Variants in SAR1B observed in about 807,000 individuals in gnomAD.
The protein encoded by SAR1B is small COPII coat GTPase SAR1B.
SAR1B carries 23 observed loss-of-function variants against 26.8 expected under a neutral mutation model. The ratio of observed to expected loss-of-function variants is 0.86; its 90% CI spans 0.62 to 1.22. SAR1B has a LOEUF of 1.22. Among genes scored for constraint, SAR1B ranks in the 50% most tolerant of loss-of-function variants. The probability of loss-of-function intolerance (pLI) is 0.00; values close to 1 mark genes in which losing one functional copy is unlikely to be tolerated. For missense variants in SAR1B, 196 were observed against 232.8 expected, an observed-to-expected ratio of 0.84 and a Z score of 1.03; for synonymous variants, 65 against 80.8, an observed-to-expected ratio of 0.80 and a Z score of 1.05.
At chr5:134,620,646 A>G (rs1367693521) in intron 3 of SAR1B, among the ~76,000 whole-genome samples, 2 of 152,132 alleles carry the variant, frequency 1.3e-5, no homozygotes, top group Admixed American at 6.6e-5. Context: ...TGATCACTTG[A>G]GCTCAGGAGT....
At chr5:134,629,598 G>C (rs1219677063) in intron 1 of SAR1B, among the ~76,000 whole-genome samples, 2 of 152,132 alleles carry the variant, frequency 1.3e-5, no homozygotes, top group Non-Finnish European at 1.5e-5. Flanking sequence ...TCAGGAGGCT[G>C]AGGCAGGAGA....
intron 5 of SAR1B, among the ~76,000 whole-genome samples, 158 bp from the exon 6 acceptor site, chr5:134,608,661 G>A (rs1765168655): frequency 6.6e-6 from 1 of 152,190 alleles, no homozygotes; most frequent in Non-Finnish European, 1.5e-5. Context: ...TGACCTCAAT[G>A]AAACCATAAG....
chr5:134,627,115 G>C (rs563020824), intron 1 of SAR1B, among the ~76,000 whole-genome samples: 1 of 151,862 alleles, frequency 6.6e-6, no homozygotes, highest in East Asian at 1.9e-4. Context: ...GCACTGGCGC[G>C]ATCTCCTCTC....
chr5:134,625,885 A>C (rs1227322789), intron 1 of SAR1B: 3 of 152,184 alleles, frequency 2.0e-5, no homozygotes, highest in Non-Finnish European at 4.4e-5. Context: ...GCCTTGACAG[A>C]AAAAGGATTT....
At chr5:134,617,336 T>C (rs1317753481) in intron 3 of SAR1B, among the ~76,000 whole-genome samples, 1 of 152,214 alleles carries the variant, frequency 6.6e-6, no homozygotes, top group Non-Finnish European at 1.5e-5. Context: ...CTCGGGTAAG[T>C]AACTAGGAGT....
intron 2 of SAR1B, among the ~76,000 whole-genome samples, 195 bp from the exon 3 acceptor site, chr5:134,621,247 A>G (rs1765402466): frequency 1.3e-5 from 2 of 152,174 alleles, no homozygotes; most frequent in African/African-American, 4.8e-5. Context: ...AGGTGGGCGG[A>G]TCACCTGAGG....
In SAR1B at chr5:134,603,091, C is replaced by T. The variant is rs1305766179; in HGVS notation, c.*3859G>A. On this transcript the variant is annotated 3_prime_UTR_variant, in exon 7 of 7. Coordinates refer to ENST00000402673, the MANE Select transcript of SAR1B (RefSeq NM_016103.4). ...GTTTCTTGAAGATTTTTTAATGCTTCAACTTTTTACATATGTTTAAAATGA... is the reference window on the plus strand; with the variant it reads ...GTTTCTTGAAGATTTTTTAATGCTTTAACTTTTTACATATGTTTAAAATGA... 1 of 152,064 alleles carries T rather than the reference C, an allele frequency of 6.6e-6. No individual in the cohort carries two copies. Among genetic ancestry groups the T allele is most frequent in the Admixed American group, 6.6e-5 (1 of 15,264 alleles). The allele number at this position is 152,064 out of a possible 1,614,324, so 9.4% of individuals were successfully genotyped here.
At chr5:134,620,492 G>A (rs182623114) in intron 3 of SAR1B, among the ~76,000 whole-genome samples, 66 of 152,154 alleles carry the variant, frequency 4.3e-4, no homozygotes, top group African/African-American at 1.5e-3. Context: ...TGGGAGCGAG[G>A]TCACCTATAA....
intron 6 of SAR1B, among the ~76,000 whole-genome samples, chr5:134,607,901 C>G (rs1295950915): frequency 2.6e-5 from 4 of 151,972 alleles, no homozygotes; most frequent in Non-Finnish European, 5.9e-5. Context: ...TTTTTCAATG[C>G]TGATGTTTCC....
At chr5:134,608,859 G>A (rs1765170883) in intron 5 of SAR1B, 2 of 371,222 alleles carry the variant, frequency 5.4e-6, no homozygotes, top group South Asian at 2.1e-5. Context: ...GAGAGAATTA[G>A]GAACAGTAGC....
chr5:134,617,892 G>A (rs1765340570), intron 3 of SAR1B, among the ~76,000 whole-genome samples: 1 of 152,092 alleles, frequency 6.6e-6, no homozygotes, highest in Non-Finnish European at 1.5e-5. Context: ...ATGTTGGCCA[G>A]GTTGGAAATT....
At chr5:134,627,876 A>G (rs1341408387) in intron 1 of SAR1B, among the ~76,000 whole-genome samples, 1 of 151,806 alleles carries the variant, frequency 6.6e-6, no homozygotes, top group African/African-American at 2.4e-5. Context: ...GCAGTGGCTC[A>G]CGCCTGTAAT....
At chr5:134,617,559 A>G (rs866546241) in intron 3 of SAR1B, among the ~76,000 whole-genome samples, 35 of 152,264 alleles carry the variant, frequency 2.3e-4, no homozygotes, top group African/African-American at 8.2e-4. Context: ...GTAGGTGCTC[A>G]ATAAATATTT....
chr5:134,607,967 T>C (rs1448447919), intron 6 of SAR1B, among the ~76,000 whole-genome samples: 2 of 152,206 alleles, frequency 1.3e-5, no homozygotes, highest in East Asian at 3.8e-4. Context: ...TAAAGCTTAT[T>C]ATAAAGTATA....
At chr5:134,619,914 G>A (rs1239863564) in intron 3 of SAR1B, among the ~76,000 whole-genome samples, 4 of 152,014 alleles carry the variant, frequency 2.6e-5, no homozygotes, top group Non-Finnish European at 5.9e-5. Context: ...GCACCTGGGA[G>A]TTTAAATGGT....
intron 1 of SAR1B, among the ~76,000 whole-genome samples, chr5:134,624,713 C>T (rs1285841289): frequency 1.4e-5 from 2 of 145,842 alleles, no homozygotes; most frequent in African/African-American, 2.5e-5. Flanking sequence ...CTGAAAGCTT[C>T]TCCTCCCAGG....
chr5:134,607,127 A>AG (rs999779051), intron 6 of SAR1B, 61 bp from the exon 7 acceptor site: 1 of 1,028,108 alleles, frequency 9.7e-7, no homozygotes, highest in African/African-American at 1.6e-5. Flanking sequence ...CCCACATCCC[A>AG]GCAGAATTAT....
intron 2 of SAR1B, among the ~76,000 whole-genome samples, chr5:134,622,006 G>T (rs1765416758): frequency 6.6e-6 from 1 of 152,190 alleles, no homozygotes. Flanking sequence ...TTATCAGCGT[G>T]AGCCACACGC....
intron 1 of SAR1B, among the ~76,000 whole-genome samples, chr5:134,629,530 C>T (rs1196388456): frequency 6.6e-6 from 1 of 152,024 alleles, no homozygotes; most frequent in African/African-American, 2.4e-5. Context: ...AACACCTTCT[C>T]TACTAAAAAT....
Sources: gnomAD v4.1 joint callset for allele counts (sites outside exome capture counted in the v4.1 genomes callset) on GRCh38, gnomAD v4.1.1 for gene constraint, MANE v1.5 for transcripts, NCBI Gene and HGNC (gene_info 2026-07-23, HGNC 2026-07-21) for gene names.